Variants in SEPTIN11 observed in about 807,000 individuals in gnomAD.
The protein encoded by SEPTIN11 is septin-11.
SEPTIN11 carries 25 observed loss-of-function variants against 51.4 expected under a neutral mutation model. The ratio of observed to expected loss-of-function variants is 0.49; its 90% CI spans 0.35 to 0.68. SEPTIN11 has a LOEUF of 0.68. SEPTIN11 is among the 30% of genes least tolerant of loss of function. The pLI, the probability that SEPTIN11 is intolerant of heterozygous loss-of-function variation, is 0.00. For synonymous variants in SEPTIN11, 174 were observed against 184.1 expected (o/e 0.95, Z 0.44); for missense variants, 381 against 520.8 (o/e 0.73, Z 2.61).
At position 77,034,957 on chromosome 4, in the gene SEPTIN11, T is replaced by G. The variant is rs1391476488; in HGVS notation, c.*445T>G. ...TTCATCTCCATGAGTGCACAATCCCTGAACTCACTGTCTTTTCTCCACACT... is the reference window on the plus strand; with the variant it reads ...TTCATCTCCATGAGTGCACAATCCCGGAACTCACTGTCTTTTCTCCACACT... On this transcript the variant is annotated 3_prime_UTR_variant, in exon 10 of 10. Transcript: ENST00000264893. 2 of 987,174 alleles carry G rather than the reference T, an allele frequency of 2.0e-6. No homozygotes were observed. Among genetic ancestry groups the G allele is most frequent in the Admixed American group, 6.1e-5 (1 of 16,292 alleles). 61.2% of individuals were successfully genotyped at this position (987,174 alleles called of 1,614,324 possible).
chr4:76,961,028 A>G (rs550827818), intron 1 of SEPTIN11, among the ~76,000 whole-genome samples: 2 of 152,310 alleles, frequency 1.3e-5, no homozygotes, highest in South Asian at 4.1e-4. Context: ...GTTGTTGGAA[A>G]GCCTACAAAG....
At position 77,028,876 on chromosome 4, in the gene SEPTIN11, C is replaced by T. The variant is rs530231314; in HGVS notation, c.1086+115C>T. 2.0e-5 allele frequency: 23 copies of T among 1,152,892 alleles called. 1 individual carries two copies. The highest frequency in any genetic ancestry group is 2.1e-4 in the Middle Eastern group (1 of 4,862). 71.4% of individuals were successfully genotyped at this position (1,152,892 alleles called of 1,614,324 possible). A position where few individuals can be genotyped will look rare whatever the true frequency, so the allele number is the denominator to read the frequency against. On this transcript the variant is annotated intron_variant, in intron 8 of 9. Coordinates refer to ENST00000264893, the MANE Select transcript of SEPTIN11 (RefSeq NM_018243.4). ...AGTACTTTCTACATGCATTTTGTCA[C>T]GAGTGACCTGCCAACCTGGCCAGGA...
chr4:77,039,686 T>C (rs1329225761), downstream of SEPTIN11: 7 of 985,210 alleles, frequency 7.1e-6, no homozygotes, highest in Admixed American at 4.3e-4. Context: ...TGAACAGAGA[T>C]GGCTGCAATT....
chr4:76,977,773 A>G (rs1722571064), intron 1 of SEPTIN11, among the ~76,000 whole-genome samples: 1 of 150,466 alleles, frequency 6.6e-6, no homozygotes, highest in South Asian at 2.1e-4. Context: ...ATGGCTTACC[A>G]GTTCCTTGCA....
chr4:77,032,014 G>T (rs1560752310), intron 9 of SEPTIN11: 1 of 152,160 alleles, frequency 6.6e-6, no homozygotes, highest in African/African-American at 2.4e-5. Context: ...ATAGGATCAA[G>T]TCTCTGCACA....
At chr4:77,029,782 A>G (rs147660165) in intron 8 of SEPTIN11, among the ~76,000 whole-genome samples, 2,229 of 140,456 alleles carry the variant, frequency 0.016, 46 homozygotes, top group African/African-American at 0.058. Context: ...ACACACACAC[A>G]TATATATACA....
chr4:77,039,286 C>G (rs1309438380), downstream of SEPTIN11: 2 of 1,105,142 alleles, frequency 1.8e-6, no homozygotes, highest in Non-Finnish European at 2.2e-6. Context: ...AGTGACTTAC[C>G]ACTACCAAAA....
chr4:77,022,356 T>C (rs966804854), intron 7 of SEPTIN11, among the ~76,000 whole-genome samples: 2 of 152,266 alleles, frequency 1.3e-5, no homozygotes, highest in East Asian at 3.9e-4. Context: ...TCTTAACCCA[T>C]CTGGGCCTGA....
chr4:76,953,551 T>A (rs762832249), intron 1 of SEPTIN11, among the ~76,000 whole-genome samples: 32 of 152,222 alleles, frequency 2.1e-4, no homozygotes, highest in South Asian at 8.3e-4. Context: ...TGGCCCCAGA[T>A]GGATGGCTGT....
chr4:77,015,409 T>G (rs1295190442), intron 5 of SEPTIN11, among the ~76,000 whole-genome samples: 1 of 152,200 alleles, frequency 6.6e-6, no homozygotes, highest in East Asian at 1.9e-4. Context: ...TGCCCTTCCC[T>G]CCTTTCTATT....
intron 1 of SEPTIN11, among the ~76,000 whole-genome samples, chr4:76,968,515 T>C (rs1463617326): frequency 6.6e-6 from 1 of 152,212 alleles, no homozygotes; most frequent in Non-Finnish European, 1.5e-5. Context: ...AAAAGGCAGA[T>C]GTTTTGTAAG....
intron 2 of SEPTIN11, 28 bp from the exon 3 acceptor site, chr4:77,005,573 C>G (rs1724422168): frequency 1.3e-6 from 2 of 1,588,778 alleles, no homozygotes; most frequent in African/African-American, 1.3e-5. Flanking sequence ...TTGACACATT[C>G]TCTGATTTTT....
At position 77,037,831 on chromosome 4, in the gene SEPTIN11, C is replaced by T. The variant is rs2109994283; in HGVS notation, c.*3319C>T. The stretch of plus-strand genomic sequence containing the variant: ...GTTTTCTCCAAAAAGGGCATTTCAA[C>T]AATGGGAATTATTTAATGTAACAGT... On this transcript the variant is annotated 3_prime_UTR_variant, in exon 10 of 10. Transcript: ENST00000264893. The T allele has an allele frequency of 1.0e-6, 1 of 985,882 alleles. No homozygotes were observed. The highest frequency in any genetic ancestry group is 1.1e-4 in the East Asian group (1 of 8,820). 61.1% of individuals were successfully genotyped at this position (985,882 alleles called of 1,614,324 possible).
chr4:76,978,708 C>A (rs1722619470), intron 1 of SEPTIN11, among the ~76,000 whole-genome samples: 1 of 152,142 alleles, frequency 6.6e-6, no homozygotes, highest in Admixed American at 6.5e-5. Context: ...ATAATGCCTG[C>A]CATATATGTA....
chr4:77,031,600 T>C (rs1726640243), intron 9 of SEPTIN11: 1 of 152,212 alleles, frequency 6.6e-6, no homozygotes, highest in South Asian at 2.1e-4. Context: ...CAGATTCTGC[T>C]CTTGAGTTGG....
intron 9 of SEPTIN11, among the ~76,000 whole-genome samples, chr4:77,032,584 G>T (rs1472026673): frequency 2.0e-5 from 3 of 152,142 alleles, no homozygotes; most frequent in Non-Finnish European, 2.9e-5. Flanking sequence ...GTGTGTTTGT[G>T]TGTGTGTACA....
At chr4:76,966,939 G>C (rs1722058892) in intron 1 of SEPTIN11, among the ~76,000 whole-genome samples, 1 of 150,948 alleles carries the variant, frequency 6.6e-6, no homozygotes, top group Non-Finnish European at 1.5e-5. Context: ...AACCTGGCCT[G>C]TAATCCCAGC....
chr4:77,030,242 C>T (rs886347549), intron 8 of SEPTIN11, among the ~76,000 whole-genome samples: 2 of 151,856 alleles, frequency 1.3e-5, no homozygotes, highest in African/African-American at 2.4e-5. Flanking sequence ...GGCAACAGAG[C>T]GAAGGAATTT....
intron 1 of SEPTIN11, among the ~76,000 whole-genome samples, chr4:76,967,293 T>G (rs760754181): frequency 1.3e-5 from 2 of 152,214 alleles, no homozygotes; most frequent in African/African-American, 4.8e-5. Flanking sequence ...GGCCAATGGT[T>G]TATACACAGT....
Sources: gnomAD v4.1 joint callset for allele counts (sites outside exome capture counted in the v4.1 genomes callset) on GRCh38, gnomAD v4.1.1 for gene constraint, MANE v1.5 for transcripts, NCBI Gene and HGNC (gene_info 2026-07-23, HGNC 2026-07-21) for gene names.